Variants in NUSAP1 observed in about 807,000 individuals in gnomAD.
The protein encoded by NUSAP1 is nucleolar and spindle associated protein 1, also known as nucleolar and spindle-associated protein 1.
NUSAP1 carries 32 observed loss-of-function variants against 52.8 expected under a neutral mutation model. The observed-to-expected ratio is 0.61, with a 90% CI of 0.46 to 0.81. NUSAP1 has a LOEUF of 0.81. Among genes scored for constraint, NUSAP1 ranks in the 40% least tolerant of loss-of-function variants. The pLI is 0.00. For synonymous variants in NUSAP1, 195 were observed against 183.1 expected (o/e 1.06, Z -0.52); for missense variants, 499 against 522.3 (o/e 0.96, Z 0.43).
At chr15:41,370,607 G>A (rs1350206083) in intron 7 of NUSAP1, among the ~76,000 whole-genome samples, 2 of 151,846 alleles carry the variant, frequency 1.3e-5, no homozygotes, top group African/African-American at 4.8e-5. Flanking sequence ...AAAATTAGCC[G>A]GGCATGGTGG....
intron 1 of NUSAP1, among the ~76,000 whole-genome samples, chr15:41,338,431 C>G (rs1567038580): frequency 6.6e-6 from 1 of 152,120 alleles, no homozygotes; most frequent in African/African-American, 2.4e-5. Flanking sequence ...CTGGATTCCT[C>G]TCTTCTTCAC....
chr15:41,358,347 T>C lies in NUSAP1; in HGVS notation c.660+89T>C, dbSNP rs915483134. On this transcript the variant is annotated intron_variant, in intron 6 of 10. Coordinates refer to ENST00000559596, the MANE Select transcript of NUSAP1 (RefSeq NM_016359.5). The stretch of plus-strand genomic sequence containing the variant: ...TAACACCGTGGTTACAACAACTGGC[T>C]GTCACTCTACCAGTAGATTTGTTTG... The C allele has an allele frequency of 7.7e-6, 5 of 652,630 alleles. No individual in the cohort carries two copies. The African/African-American group carries it at 9.5e-5, about 12-fold the overall frequency. The allele number at this position is 652,630 out of a possible 1,614,324, so 40.4% of individuals were successfully genotyped here.
intron 1 of NUSAP1, among the ~76,000 whole-genome samples, chr15:41,334,546 T>C (rs892241076): frequency 6.6e-6 from 1 of 152,230 alleles, no homozygotes; most frequent in Non-Finnish European, 1.5e-5. Flanking sequence ...AAAGCCTTAA[T>C]ATCTCAGCCT....
At chr15:41,363,839 A>G (rs994143793) in intron 6 of NUSAP1, among the ~76,000 whole-genome samples, 3 of 152,214 alleles carry the variant, frequency 2.0e-5, no homozygotes, top group African/African-American at 7.2e-5. Context: ...TGCCTTGACA[A>G]TATCTAAGAC....
At chr15:41,333,157 C>T in intron 1 of NUSAP1, 107 bp downstream of exon 1, 2 of 772,978 alleles carry the variant, frequency 2.6e-6, no homozygotes, top group Non-Finnish European at 4.4e-6. Flanking sequence ...TGAGGCAGCT[C>T]TCCCTGCCCC....
intron 3 of NUSAP1, among the ~76,000 whole-genome samples, chr15:41,350,140 G>A (rs2048727228): frequency 1.3e-5 from 2 of 152,128 alleles, no homozygotes; most frequent in African/African-American, 4.8e-5. Flanking sequence ...AGACTAATAC[G>A]GAGTACAGGA....
intron 6 of NUSAP1, among the ~76,000 whole-genome samples, chr15:41,360,793 CTTTT>C (rs1180569684): frequency 4.3e-5 from 5 of 117,024 alleles, no homozygotes; most frequent in Non-Finnish European, 8.8e-5. Flanking sequence ...GTTTATCCAT[CTTTT>C]TTTTTTTTTT....
chr15:41,348,240 G>A (rs183544278), intron 2 of NUSAP1, among the ~76,000 whole-genome samples: 20 of 152,306 alleles, frequency 1.3e-4, no homozygotes, highest in African/African-American at 4.8e-4. Context: ...CACCACGCCT[G>A]GCTAATTTTT....
intron 4 of NUSAP1, among the ~76,000 whole-genome samples, chr15:41,353,363 A>T (rs1413759454): frequency 2.6e-5 from 4 of 152,130 alleles, no homozygotes. Flanking sequence ...ACTGGTCTCG[A>T]ACTCCTAATC....
At chr15:41,340,513 GC>G (rs140862912) in intron 1 of NUSAP1, among the ~76,000 whole-genome samples, 4,651 of 152,200 alleles carry the variant, frequency 0.031, 255 homozygotes, top group African/African-American at 0.11. Flanking sequence ...CACAATAAAT[GC>G]TTGTTGAAGG....
chr15:41,370,328 G>A (rs1312196384), intron 7 of NUSAP1, among the ~76,000 whole-genome samples: 3 of 152,162 alleles, frequency 2.0e-5, no homozygotes, highest in Non-Finnish European at 4.4e-5. Flanking sequence ...CTTGCAGTTA[G>A]CTGAGATCGC....
rs942481909 is a variant in NUSAP1 at position 41,349,223 on chromosome 15, T to C, written c.288T>C (p.Arg96=). Residue 96 remains arginine, a synonymous_variant, in exon 3 of 11, where the codon CGT becomes CGC. Coordinates refer to ENST00000559596, the MANE Select transcript of NUSAP1 (RefSeq NM_016359.5). ...TKTRRRCKTV[R]VDPDSQQNHS... is the part of the protein sequence containing the mutation. ...CAAGGAGAAGGTGCAAGACTGTCCGTGTGGACCCTGACTCACAGGTGAATG... is the reference window on the plus strand; with the variant it reads ...CAAGGAGAAGGTGCAAGACTGTCCGCGTGGACCCTGACTCACAGGTGAATG... 6.2e-7 allele frequency: 1 copy of C among 1,613,370 alleles called. No homozygotes were observed. The highest frequency in any genetic ancestry group is 1.3e-5 in the African/African-American group (1 of 74,914).
At chr15:41,375,196 A>T (rs1234989186) in intron 8 of NUSAP1, among the ~76,000 whole-genome samples, 6 of 126,790 alleles carry the variant, frequency 4.7e-5, no homozygotes, top group African/African-American at 1.2e-4. Flanking sequence ...TTTTTTTTTT[A>T]AACCAAGTTT....
intron 10 of NUSAP1, 129 bp downstream of exon 10, chr15:41,377,433 C>T (rs1037752353): frequency 8.0e-6 from 4 of 503,144 alleles, no homozygotes; most frequent in East Asian, 3.9e-5. Flanking sequence ...TGTGCGGTGG[C>T]TCACGCCTGT....
intron 8 of NUSAP1, among the ~76,000 whole-genome samples, chr15:41,375,489 T>C (rs1201144311): frequency 6.6e-6 from 1 of 152,116 alleles, no homozygotes; most frequent in Non-Finnish European, 1.5e-5. Flanking sequence ...ATTTTTTGTA[T>C]TTTTGTGGAG....
At chr15:41,353,736 T>C (rs546459994) in intron 4 of NUSAP1, among the ~76,000 whole-genome samples, 6 of 152,348 alleles carry the variant, frequency 3.9e-5, no homozygotes, top group African/African-American at 1.4e-4. Flanking sequence ...GGCTTTCTTA[T>C]ATTTGTAAGA....
rs2048692213 is a variant in NUSAP1, at chr15:41,349,193, CA to C, written c.262del (p.Thr88GlnfsTer21). 3.1e-6 allele frequency: 5 copies of C among 1,613,832 alleles called. No homozygotes were observed. The highest frequency in any genetic ancestry group is 4.2e-6 in the Non-Finnish European group (5 of 1,179,814). On this transcript the variant is annotated frameshift_variant, in exon 3 of 11. Coordinates refer to ENST00000559596, the MANE Select transcript of NUSAP1 (RefSeq NM_016359.5). LOFTEE classifies it high-confidence loss of function. ...AGAGACAGCCACTTGGCCATGTCACCAAAACAAGGAGAAGGTGCAAGACTGT... is the reference window on the plus strand; with the variant it reads ...AGAGACAGCCACTTGGCCATGTCACCAAACAAGGAGAAGGTGCAAGACTGT... ...AERQPLGHVT[K>X]TRRRCKTVRV...
At chr15:41,334,210 C>T (rs1032102418) in intron 1 of NUSAP1, among the ~76,000 whole-genome samples, 1 of 152,182 alleles carries the variant, frequency 6.6e-6, no homozygotes. Flanking sequence ...CCTCCGCCTC[C>T]TGGGTTCAAG....
At chr15:41,377,740 C>G (rs987064137) in intron 10 of NUSAP1, among the ~76,000 whole-genome samples, 27 of 148,550 alleles carry the variant, frequency 1.8e-4, no homozygotes, top group Non-Finnish European at 2.8e-4. Context: ...CACGGTGGCT[C>G]ACGCCTGTAA....
Sources: gnomAD v4.1 joint callset for allele counts (sites outside exome capture counted in the v4.1 genomes callset) on GRCh38, gnomAD v4.1.1 for gene constraint, MANE v1.5 for transcripts, NCBI Gene and HGNC (gene_info 2026-07-23, HGNC 2026-07-21) for gene names.